Variants in CTSZ observed in about 807,000 individuals in gnomAD.
CTSZ encodes carboxypeptidase LB.
In CTSZ, 39 loss-of-function variants were observed where a neutral mutation model predicts 32.4. That is an observed-to-expected ratio of 1.20 (90% confidence interval 0.93 to 1.57). The LOEUF (loss-of-function observed/expected upper bound fraction) is 1.57. Among genes scored for constraint, CTSZ ranks in the 40% most tolerant of loss-of-function variants. The probability of loss-of-function intolerance (pLI) is 0.00; values close to 1 mark genes in which losing one functional copy is unlikely to be tolerated. For missense variants in CTSZ, 397 were observed against 419.6 expected, an observed-to-expected ratio of 0.95 and a Z score of 0.47; for synonymous variants, 168 against 170.1, an observed-to-expected ratio of 0.99 and a Z score of 0.10.
Position 59,004,994 on chromosome 20 carries a change from C to T in CTSZ, c.307+1328G>A, listed in dbSNP as rs564368714. 3.4e-4 allele frequency among the ~76,000 whole-genome samples: 52 copies of T among 152,098 alleles called. No individual in the cohort carries two copies. Among genetic ancestry groups the T allele is most frequent in the Non-Finnish European group, 7.2e-4 (49 of 68,006 alleles). Reference sequence around the variant, plus strand: ...CAAAGAGTTCAAGGCTTCCCACAGGCACCTGTTGACCTTTCTATTCTCCCC... The same window carrying T: ...CAAAGAGTTCAAGGCTTCCCACAGGTACCTGTTGACCTTTCTATTCTCCCC... On this transcript the variant is annotated intron_variant, in intron 2 of 5. Transcript: ENST00000217131. This position sits in a 1 kb window ranked among gnomAD's most constrained non-coding sequence, Gnocchi z 5.6.
At chr20:59,000,892 C>T (rs935260666) in intron 3 of CTSZ, among the ~76,000 whole-genome samples, 10 of 149,278 alleles carry the variant, frequency 6.7e-5, no homozygotes, top group Admixed American at 4.7e-4. Flanking sequence ...TGCAGTGGCG[C>T]GATCTTGGCT....
chr20:58,995,791 C>T (rs1467910321), intron 5 of CTSZ, 32 bp from the exon 6 acceptor site: 2 of 1,593,436 alleles, frequency 1.3e-6, no homozygotes, highest in East Asian at 4.5e-5. Context: ...GTCAGCCCAT[C>T]TGCAGCCGTC....
Position 59,007,092 on chromosome 20 carries a change from GC to G in CTSZ, c.36del (p.Leu13CysfsTer190). On this transcript the variant is annotated frameshift_variant, in exon 1 of 6. Transcript: ENST00000217131. LOFTEE classifies it high-confidence loss of function. ...ARRGPGWRPL[L>X]LLVLLAGAAQ... ...GCCGCGCCCGCCAGCAGCACGAGCA[GC>G]AGAAGCGGCCGCCACCCTGGCCCGC... 1 of 1,447,720 alleles carries G rather than the reference GC, an allele frequency of 6.9e-7. No homozygotes were observed. 89.7% of individuals were successfully genotyped at this position (1,447,720 alleles called of 1,614,324 possible). A position where few individuals can be genotyped will look rare whatever the true frequency, so the allele number is the denominator to read the frequency against.
intron 2 of CTSZ, 80 bp downstream of exon 2, chr20:59,006,242 C>T (rs1255173790): frequency 1.1e-5 from 16 of 1,476,640 alleles, no homozygotes; most frequent in Non-Finnish European, 1.4e-5. Context: ...CCCCTGGAAC[C>T]GCGGGCTGAG....
chr20:59,001,443 G>C (rs773813866), intron 3 of CTSZ, 22 bp downstream of exon 3: 93 of 1,592,532 alleles, frequency 5.8e-5, no homozygotes, highest in Non-Finnish European at 7.7e-5. Context: ...AGGGTGGAGT[G>C]GGGGCACGGG....
rs1020143737 is a variant in CTSZ at position 59,004,033 on chromosome 20, G to A, written c.307+2289C>T. On this transcript the variant is annotated intron_variant, in intron 2 of 5. Coordinates refer to ENST00000217131, the MANE Select transcript of CTSZ (RefSeq NM_001336.4). The surrounding 1 kb of genome is among the most constrained non-coding windows in gnomAD (Gnocchi z 5.6). ...GGTGCGTGATTTCTGCATCTGCTTC[G>A]AAGGTAGAACCGACAAGACTTGTGG... Among the ~76,000 whole-genome samples the A allele has an allele frequency of 6.6e-6, 1 of 152,204 alleles. No individual in the cohort carries two copies. The highest frequency in any genetic ancestry group is 1.5e-5 in the Non-Finnish European group (1 of 68,032).
chr20:59,006,543 C>T lies in CTSZ; in HGVS notation c.144-58G>A, dbSNP rs974236883. On this transcript the variant is annotated intron_variant, in intron 1 of 5. Transcript: ENST00000217131. ...CTGGGGCTCCCGGGGGCCGTGGGCC[C>T]AGGAAGCCCTCGGTAGGGCCCTCCC... 5.5e-5 allele frequency: 85 copies of T among 1,549,694 alleles called. No individual in the cohort carries two copies. The South Asian group carries it at 9.6e-4, about 18-fold the overall frequency.
Position 58,997,583 on chromosome 20 carries a change from C to T in CTSZ, c.638+20G>A, listed in dbSNP as rs759262500. 1 of 1,525,240 alleles carries T rather than the reference C, an allele frequency of 6.6e-7. No homozygotes were observed. Among genetic ancestry groups the T allele is most frequent in the East Asian group, 2.4e-5 (1 of 41,516 alleles). 94.5% of individuals were successfully genotyped at this position (1,525,240 alleles called of 1,614,324 possible). A position where few individuals can be genotyped will look rare whatever the true frequency, so the allele number is the denominator to read the frequency against. On this transcript the variant is annotated intron_variant, in intron 4 of 5. Transcript: ENST00000217131. ...TTCCTCACCCGCAAACCTCTCTTTG[C>T]CCGCGGGACCTCTCCTCACCTGATG...
chr20:58,995,836 C>G, intron 5 of CTSZ, 77 bp from the exon 6 acceptor site: 1 of 1,324,116 alleles, frequency 7.6e-7, no homozygotes, highest in Admixed American at 1.7e-5. Flanking sequence ...CCCCCTGCCC[C>G]CTGCTTTCTG....
Position 59,004,404 on chromosome 20 carries a change from C to T in CTSZ, c.307+1918G>A, listed in dbSNP as rs1301766222. Reference sequence around the variant, plus strand: ...AGGAGAAGGAAGCATCCTGGGGAGACGTGATCAGGAGAATGCTTCACGGTG... The same window carrying T: ...AGGAGAAGGAAGCATCCTGGGGAGATGTGATCAGGAGAATGCTTCACGGTG... On this transcript the variant is annotated intron_variant, in intron 2 of 5. Transcript: ENST00000217131. This position sits in a 1 kb window ranked among gnomAD's most constrained non-coding sequence, Gnocchi z 5.6. Among the ~76,000 whole-genome samples, 4 of 151,628 alleles carry T rather than the reference C, an allele frequency of 2.6e-5. No homozygotes were observed. Among genetic ancestry groups the T allele is most frequent in the Admixed American group, 1.3e-4 (2 of 15,250 alleles).
chr20:59,003,741 C>T (rs1242282169), intron 2 of CTSZ, among the ~76,000 whole-genome samples: 1 of 151,974 alleles, frequency 6.6e-6, no homozygotes, highest in Non-Finnish European at 1.5e-5. Context: ...GAGGAGGTGC[C>T]TGGTGGGAGA....
intron 3 of CTSZ, among the ~76,000 whole-genome samples, chr20:59,001,143 C>T (rs1030869204): frequency 2.0e-5 from 3 of 152,284 alleles, no homozygotes; most frequent in South Asian, 2.1e-4. Flanking sequence ...GGATGCTCTT[C>T]AGACCGCTCC....
chr20:58,997,488 T>G (rs757128669), intron 4 of CTSZ, 115 bp downstream of exon 4: 35 of 1,067,326 alleles, frequency 3.3e-5, no homozygotes, highest in Non-Finnish European at 4.2e-5. Context: ...AGCACCGACA[T>G]GAGCCCACAC....
chr20:58,996,261 T>TG (rs2091859416), intron 5 of CTSZ, among the ~76,000 whole-genome samples: 1 of 152,086 alleles, frequency 6.6e-6, no homozygotes, highest in Non-Finnish European at 1.5e-5. Flanking sequence ...AAAACCATGA[T>TG]GGGAAAAAGA....
chr20:59,003,074 G>A (rs1174930089), intron 2 of CTSZ, among the ~76,000 whole-genome samples: 1 of 152,138 alleles, frequency 6.6e-6, no homozygotes, highest in Non-Finnish European at 1.5e-5. Flanking sequence ...ACTGTCATCC[G>A]AGCTGACCAC....
At chr20:58,995,815 G>GCTGC (rs1178686787) in intron 5 of CTSZ, 56 bp from the exon 6 acceptor site, 1 of 1,498,332 alleles carries the variant, frequency 6.7e-7, no homozygotes, top group Non-Finnish European at 9.2e-7. Context: ...CGCTCCCCTT[G>GCTGC]CTGCCGTCAG....
In CTSZ at chr20:59,006,367, A is replaced by AT. The variant is rs1249035339; in HGVS notation, c.261dup (p.Tyr88IlefsTer41). 1 of 1,613,776 alleles carries AT rather than the reference A, an allele frequency of 6.2e-7. No homozygotes were observed. The highest frequency in any genetic ancestry group is 8.5e-7 in the Non-Finnish European group (1 of 1,179,976). ...GCGTGGGCCCAGCAGGAGCCGCAGT[A>AT]TTGGGGGATGTGCTGGTTCCGGGTG... On this transcript the variant is annotated frameshift_variant, in exon 2 of 6. Coordinates refer to ENST00000217131, the MANE Select transcript of CTSZ (RefSeq NM_001336.4). LOFTEE classifies it high-confidence loss of function.
chr20:58,996,755 T>TG lies in CTSZ; in HGVS notation c.684dup (p.Ile229HisfsTer24). 1 of 1,614,220 alleles carries TG rather than the reference T, an allele frequency of 6.2e-7. No individual in the cohort carries two copies. The highest frequency in any genetic ancestry group is 8.5e-7 in the Non-Finnish European group (1 of 1,180,040). ...GTGGTGTCCTGGTATTCGGCATAGA[T>TG]GCCTCCGGTGTAGTTAGCCAGTCTT... On this transcript the variant is annotated frameshift_variant, in exon 5 of 6. Coordinates refer to ENST00000217131, the MANE Select transcript of CTSZ (RefSeq NM_001336.4). LOFTEE classifies it high-confidence loss of function.
chr20:58,995,958 A>G (rs562459999), intron 5 of CTSZ, among the ~76,000 whole-genome samples, 199 bp from the exon 6 acceptor site: 1 of 152,134 alleles, frequency 6.6e-6, no homozygotes, highest in African/African-American at 2.4e-5. Flanking sequence ...TCACTTGGTT[A>G]ATGTTTAACA....
Sources: gnomAD v4.1 joint callset for allele counts (sites outside exome capture counted in the v4.1 genomes callset) on GRCh38, gnomAD v4.1.1 for gene constraint, Gnocchi (gnomAD v3.1) non-coding constraint, MANE v1.5 for transcripts, NCBI Gene and HGNC (gene_info 2026-07-23, HGNC 2026-07-21) for gene names.